Variants in TMEM163 observed in about 807,000 individuals in gnomAD.
TMEM163 encodes transmembrane protein 163.
In TMEM163, 17 loss-of-function variants were observed where a neutral mutation model predicts 29.3. That is an observed-to-expected ratio of 0.58 (90% CI 0.40 to 0.87). TMEM163 has a LOEUF of 0.87. TMEM163 is among the 40% of genes least tolerant of loss of function. TMEM163 has a pLI of 0.00. For synonymous variants in TMEM163, 157 were observed against 160.6 expected, an observed-to-expected ratio of 0.98 and a Z score of 0.17; for missense variants, 303 against 381.5, an observed-to-expected ratio of 0.79 and a Z score of 1.71.
chr2:134,527,668 C>T (rs1423507925), intron 4 of TMEM163, among the ~76,000 whole-genome samples: 1 of 152,176 alleles, frequency 6.6e-6, no homozygotes, highest in Non-Finnish European at 1.5e-5. Flanking sequence ...CTTGTCCTAG[C>T]CTTGGGAATC....
At chr2:134,612,848 C>T (rs1682536056) in intron 2 of TMEM163, among the ~76,000 whole-genome samples, 1 of 151,986 alleles carries the variant, frequency 6.6e-6, no homozygotes, top group South Asian at 2.1e-4. Context: ...TGATCTTCAA[C>T]AAAAAAGTAT....
At chr2:134,573,689 T>C (rs1342465111) in intron 2 of TMEM163, among the ~76,000 whole-genome samples, 1 of 152,194 alleles carries the variant, frequency 6.6e-6, no homozygotes, top group Non-Finnish European at 1.5e-5. Flanking sequence ...TGCAATGACA[T>C]ATAATAAAAA....
chr2:134,472,657 C>A (rs78922609), intron 5 of TMEM163, among the ~76,000 whole-genome samples: 8 of 152,316 alleles, frequency 5.3e-5, no homozygotes, highest in Non-Finnish European at 8.8e-5. Flanking sequence ...CCATTCATTA[C>A]AGCAATGAAA....
chr2:134,628,272 A>T (rs1558969798), intron 2 of TMEM163, among the ~76,000 whole-genome samples: 2 of 152,262 alleles, frequency 1.3e-5, no homozygotes. Context: ...AAACTCCTAC[A>T]TGCCTATCTG....
intron 2 of TMEM163, among the ~76,000 whole-genome samples, chr2:134,584,397 A>G (rs1681763955): frequency 6.6e-6 from 1 of 152,196 alleles, no homozygotes; most frequent in African/African-American, 2.4e-5. Flanking sequence ...TGTGTGCACT[A>G]AGATCCTACA....
At chr2:134,573,954 G>T (rs937498785) in intron 2 of TMEM163, among the ~76,000 whole-genome samples, 1 of 152,160 alleles carries the variant, frequency 6.6e-6, no homozygotes, top group Non-Finnish European at 1.5e-5. Flanking sequence ...AACACAGCTT[G>T]CCCAGACAGC....
intron 4 of TMEM163, among the ~76,000 whole-genome samples, chr2:134,509,017 C>G (rs1268446667): frequency 6.6e-6 from 1 of 152,302 alleles, no homozygotes; most frequent in African/African-American, 2.4e-5. Flanking sequence ...CTGAACAGAA[C>G]CCAACCAACT....
chr2:134,499,400 C>T (rs1250477175), intron 5 of TMEM163, among the ~76,000 whole-genome samples: 3 of 152,234 alleles, frequency 2.0e-5, no homozygotes, highest in Non-Finnish European at 4.4e-5. Context: ...AGAGACGGCT[C>T]TGCGGAATCT....
chr2:134,574,796 T>C (rs1435535026), intron 2 of TMEM163, among the ~76,000 whole-genome samples: 1 of 152,150 alleles, frequency 6.6e-6, no homozygotes, highest in African/African-American at 2.4e-5. Context: ...GATGGCTCGA[T>C]TTGATGCAGC....
At chr2:134,657,955 A>G (rs72970179) in intron 2 of TMEM163, among the ~76,000 whole-genome samples, 8,053 of 152,264 alleles carry the variant, frequency 0.053, 674 homozygotes, top group African/African-American at 0.18. Flanking sequence ...CCTCAGCAAC[A>G]TGCAACTTAC....
At chr2:134,586,472 C>A (rs771848122) in intron 2 of TMEM163, among the ~76,000 whole-genome samples, 1 of 152,176 alleles carries the variant, frequency 6.6e-6, no homozygotes, top group Non-Finnish European at 1.5e-5. Context: ...TCTTTGCGTG[C>A]GTATCTGTGT....
intron 4 of TMEM163, among the ~76,000 whole-genome samples, chr2:134,538,392 C>CA (rs887376387): frequency 6.6e-6 from 1 of 152,178 alleles, no homozygotes; most frequent in African/African-American, 2.4e-5. Flanking sequence ...ATAAGCCACC[C>CA]AGTCTATGAT....
intron 2 of TMEM163, among the ~76,000 whole-genome samples, chr2:134,559,467 G>A (rs1321555918): frequency 6.6e-6 from 1 of 152,214 alleles, no homozygotes; most frequent in Non-Finnish European, 1.5e-5. Flanking sequence ...ACCATTATTT[G>A]AGAGCTCTTT....
intron 2 of TMEM163, among the ~76,000 whole-genome samples, chr2:134,674,650 G>A (rs538268814): frequency 1.9e-4 from 29 of 151,950 alleles, no homozygotes; most frequent in African/African-American, 5.8e-4. Flanking sequence ...GAGCCACTGC[G>A]CCTTGCCGAC....
chr2:134,507,592 G>A (rs1289903954), intron 4 of TMEM163, among the ~76,000 whole-genome samples: 2 of 152,202 alleles, frequency 1.3e-5, no homozygotes, highest in African/African-American at 2.4e-5. Flanking sequence ...TAGGCCGGGT[G>A]TGGTGGCTCA....
intron 2 of TMEM163, among the ~76,000 whole-genome samples, chr2:134,594,648 A>G (rs575691198): frequency 7.9e-5 from 12 of 152,354 alleles, no homozygotes; most frequent in African/African-American, 2.9e-4. Context: ...CATTGGCAGA[A>G]AGCCTGCTTG....
chr2:134,657,633 T>C (rs1207434764), intron 2 of TMEM163, among the ~76,000 whole-genome samples: 1 of 152,112 alleles, frequency 6.6e-6, no homozygotes, highest in Non-Finnish European at 1.5e-5. Flanking sequence ...TGAAACCCCA[T>C]CTCTACTAAA....
At chr2:134,517,442 C>T (rs1282702567) in intron 4 of TMEM163, among the ~76,000 whole-genome samples, 1 of 152,210 alleles carries the variant, frequency 6.6e-6, no homozygotes, top group Non-Finnish European at 1.5e-5. Flanking sequence ...GTCAACTGAG[C>T]TGGGACTCAA....
chr2:134,521,759 C>T (rs1212502919), intron 4 of TMEM163, among the ~76,000 whole-genome samples: 3 of 152,172 alleles, frequency 2.0e-5, no homozygotes, highest in African/African-American at 7.2e-5. Context: ...ATCAACTTCG[C>T]TGAAGAGCAT....
Sources: allele counts gnomAD v4.1 joint callset (sites outside exome capture counted in the v4.1 genomes callset), GRCh38; gene constraint gnomAD v4.1.1; transcripts MANE v1.5; gene names NCBI Gene and HGNC (gene_info 2026-07-23, HGNC 2026-07-21).